Variants in TSGA10 observed in about 807,000 individuals in gnomAD.
TSGA10 encodes the protein testis-specific gene 10 protein.
In TSGA10, 43 loss-of-function variants were observed where a neutral mutation model predicts 96.6. The observed-to-expected ratio is 0.44, with a 90% CI of 0.35 to 0.57. The LOEUF (loss-of-function observed/expected upper bound fraction) is 0.57, where lower values mean the gene tolerates loss of function less well. TSGA10 is among the 20% of genes least tolerant of loss of function. The probability of loss-of-function intolerance (pLI) is 0.01; values close to 1 mark genes in which losing one functional copy is unlikely to be tolerated. For synonymous variants in TSGA10, 229 were observed against 269.9 expected (o/e 0.85, Z 1.48); for missense variants, 703 against 834.4 (o/e 0.84, Z 1.94).
intron 20 of TSGA10, among the ~76,000 whole-genome samples, chr2:99,003,243 T>C (rs1226992891): frequency 6.6e-6 from 1 of 152,168 alleles, no homozygotes; most frequent in Non-Finnish European, 1.5e-5. Flanking sequence ...CAAGAAGAGC[T>C]AACTATCCTA....
chr2:99,125,854 A>G (rs1448098764), intron 2 of TSGA10: 1 of 152,230 alleles, frequency 6.6e-6, no homozygotes, highest in Non-Finnish European at 1.5e-5. Context: ...GAGGTGCCTC[A>G]TTACAGTTCC....
chr2:99,062,863 A>G (rs1175855729), intron 16 of TSGA10, among the ~76,000 whole-genome samples: 9 of 152,254 alleles, frequency 5.9e-5, no homozygotes, highest in African/African-American at 2.2e-4. Context: ...ACCCAAAAAA[A>G]TAGAAATTTC....
intron 20 of TSGA10, among the ~76,000 whole-genome samples, chr2:99,009,128 G>GA (rs1417361490): frequency 6.6e-6 from 1 of 151,762 alleles, no homozygotes; most frequent in Non-Finnish European, 1.5e-5. Context: ...TTAAGTTGAG[G>GA]AAAAAACTAG....
At chr2:99,009,506 A>G (rs1319546729) in intron 20 of TSGA10, among the ~76,000 whole-genome samples, 1 of 137,812 alleles carries the variant, frequency 7.3e-6, no homozygotes, top group East Asian at 2.3e-4. Context: ...TGGGAGGCGG[A>G]GCTTGCAGTG....
intron 9 of TSGA10, 50 bp from the exon 10 acceptor site, chr2:99,104,168 T>C (rs374583966): frequency 9.4e-5 from 150 of 1,598,064 alleles, no homozygotes; most frequent in Non-Finnish European, 1.2e-4. Context: ...AACACCTTAG[T>C]AATCTTCCTG....
intron 3 of TSGA10, 123 bp from the exon 4 acceptor site, chr2:99,117,882 C>T (rs1189098961): frequency 4.1e-6 from 1 of 242,992 alleles, no homozygotes; most frequent in Non-Finnish European, 6.6e-6. Flanking sequence ...AACTCTATAC[C>T]TTTTTGTGCC....
At chr2:99,150,745 ACTGG>A in intron 1 of TSGA10, 1 of 1,613,918 alleles carries the variant, frequency 6.2e-7, no homozygotes, top group South Asian at 1.1e-5. Flanking sequence ...GATTGAAGGG[ACTGG>A]CACAGGATCT....
intron 20 of TSGA10, among the ~76,000 whole-genome samples, chr2:99,015,762 A>C (rs1457293711): frequency 6.6e-6 from 1 of 152,170 alleles, no homozygotes; most frequent in Non-Finnish European, 1.5e-5. Flanking sequence ...TCATCCAAAA[A>C]GCTCCCAGAT....
chr2:99,057,563 T>G (rs2084151912), intron 16 of TSGA10, among the ~76,000 whole-genome samples: 1 of 152,066 alleles, frequency 6.6e-6, no homozygotes, highest in Non-Finnish European at 1.5e-5. Flanking sequence ...TAACTTATAC[T>G]CTGAAAACAA....
chr2:99,041,777 A>G (rs1254918551), intron 16 of TSGA10, among the ~76,000 whole-genome samples: 3 of 152,212 alleles, frequency 2.0e-5, no homozygotes, highest in Non-Finnish European at 2.9e-5. Context: ...CAAACCCTTC[A>G]TTACCAAGAA....
chr2:99,072,456 T>C (rs898922325), intron 13 of TSGA10, among the ~76,000 whole-genome samples: 1 of 152,218 alleles, frequency 6.6e-6, no homozygotes, highest in Non-Finnish European at 1.5e-5. Context: ...TTTCTCCTCA[T>C]ACTTTCTTCA....
chr2:99,039,406 G>A (rs1319376038), intron 16 of TSGA10, among the ~76,000 whole-genome samples: 1 of 151,434 alleles, frequency 6.6e-6, no homozygotes, highest in Non-Finnish European at 1.5e-5. Flanking sequence ...ACCAAGAAAA[G>A]AGCAGAGAAG....
rs568942895 is a variant in TSGA10 at position 99,146,663 on chromosome 2, C to T, written c.-621+8030G>A. On this transcript the variant is annotated intron_variant, in intron 1 of 20. Transcript: ENST00000393483. ...TTTCTTTTTGAGACGGAGTCTTGCT[C>T]TGTCGCCCAGGCTGGAGTGCAATGG... 1.4e-4 allele frequency among the ~76,000 whole-genome samples: 22 copies of T among 152,284 alleles called. No homozygotes were observed. In the East Asian group the frequency reaches 4.2e-3, roughly 29 times the overall value.
chr2:99,051,848 T>C (rs1019774245), intron 16 of TSGA10, among the ~76,000 whole-genome samples: 1 of 151,386 alleles, frequency 6.6e-6, no homozygotes, highest in Non-Finnish European at 1.5e-5. Context: ...CTAACAAATA[T>C]GTGGAAATAA....
At chr2:99,153,041 A>G (rs1022502885) in intron 1 of TSGA10, among the ~76,000 whole-genome samples, 14 of 152,218 alleles carry the variant, frequency 9.2e-5, no homozygotes, top group African/African-American at 3.1e-4. Context: ...AGGGCTGACT[A>G]GATCAGGGTA....
In TSGA10 at chr2:98,998,240, T is replaced by G. The variant is rs763582146; in HGVS notation, c.2073-19A>C. On this transcript the variant is annotated intron_variant, in intron 20 of 20. Coordinates refer to ENST00000393483, the MANE Select transcript of TSGA10 (RefSeq NM_025244.4). Reference sequence around the variant, plus strand: ...AAGATTCCTATAAGAGAAAAAATCATGCTGATTAATATTTTTAATTCAACT... The same window carrying G: ...AAGATTCCTATAAGAGAAAAAATCAGGCTGATTAATATTTTTAATTCAACT... 4 of 1,584,250 alleles carry G rather than the reference T, an allele frequency of 2.5e-6. No individual in the cohort carries two copies. The highest frequency in any genetic ancestry group is 1.8e-5 in the Admixed American group (1 of 55,518).
chr2:99,069,076 T>G, intron 14 of TSGA10, 78 bp from the exon 15 acceptor site: 1 of 630,730 alleles, frequency 1.6e-6, no homozygotes, highest in South Asian at 3.9e-5. Context: ...AAACAAATTT[T>G]TAAACACTTG....
At chr2:99,121,779 T>C (rs141515080) in intron 2 of TSGA10, among the ~76,000 whole-genome samples, 1,633 of 152,274 alleles carry the variant, frequency 0.011, 9 homozygotes, top group Middle Eastern at 0.027. Flanking sequence ...AACTTCAATT[T>C]TGATTAAGTC....
chr2:99,133,335 G>A (rs2093182746), intron 1 of TSGA10, among the ~76,000 whole-genome samples: 1 of 152,160 alleles, frequency 6.6e-6, no homozygotes, highest in Non-Finnish European at 1.5e-5. Flanking sequence ...TAACCATTAT[G>A]TAATGCCCTT....
Sources: gnomAD v4.1 joint callset for allele counts (sites outside exome capture counted in the v4.1 genomes callset) on GRCh38, gnomAD v4.1.1 for gene constraint, MANE v1.5 for transcripts, NCBI Gene and HGNC (gene_info 2026-07-23, HGNC 2026-07-21) for gene names.